PKIB: variants seen among roughly 807,000 people sequenced by gnomAD.
PKIB encodes PKI-beta.
A neutral mutation model predicts 4.5 loss-of-function variants in PKIB; 2 were observed. The ratio of observed to expected loss-of-function variants is 0.44; its 90% confidence interval spans 0.18 to 1.39. The LOEUF is 1.39. Ranked by LOEUF, PKIB falls within the 40% of genes most tolerant of loss-of-function variation. PKIB has a pLI of 0.27. For synonymous variants in PKIB, 38 were observed against 36.0 expected (o/e 1.06, Z -0.20); for missense variants, 94 against 92.6 (o/e 1.02, Z -0.06).
intron 1 of PKIB, among the ~76,000 whole-genome samples, chr6:122,615,140 C>T (rs1251671864): frequency 6.6e-6 from 1 of 151,954 alleles, no homozygotes; most frequent in Non-Finnish European, 1.5e-5. Flanking sequence ...AGAAGGGTGT[C>T]TATGATAATT....
upstream of PKIB, among the ~76,000 whole-genome samples, chr6:122,606,443 G>A (rs774494571): frequency 2.0e-5 from 3 of 151,974 alleles, no homozygotes; most frequent in Non-Finnish European, 4.4e-5. Context: ...GTGGTGGCAT[G>A]TGCCTGTAAT....
At chr6:122,690,932 A>ATATAT (rs1278838118) in intron 3 of PKIB, among the ~76,000 whole-genome samples, 13 of 138,784 alleles carry the variant, frequency 9.4e-5, no homozygotes, top group African/African-American at 2.7e-4. Flanking sequence ...ATATATATAT[A>ATATAT]TTTTTTTTTT....
At chr6:122,506,694 ATTTTT>A (rs35341464) in intron 2 of PKIB, among the ~76,000 whole-genome samples, 1 of 116,566 alleles carries the variant, frequency 8.6e-6, no homozygotes, top group African/African-American at 3.2e-5. Flanking sequence ...TGGAGATGTA[ATTTTT>A]TTTTTTTTTT....
intron 2 of PKIB, among the ~76,000 whole-genome samples, chr6:122,568,877 G>A (rs1035895076): frequency 3.3e-5 from 5 of 152,150 alleles, no homozygotes; most frequent in African/African-American, 1.2e-4. Context: ...ATGGCCTCGG[G>A]CAGGTCTGAG....
intron 2 of PKIB, among the ~76,000 whole-genome samples, chr6:122,636,788 C>T (rs1420712361): frequency 6.6e-6 from 1 of 152,030 alleles, no homozygotes; most frequent in Non-Finnish European, 1.5e-5. Flanking sequence ...TTGAAACTTG[C>T]TATTTCCCAG....
At chr6:122,724,123 G>C (rs989272424) in intron 4 of PKIB, among the ~76,000 whole-genome samples, 2 of 152,182 alleles carry the variant, frequency 1.3e-5, no homozygotes, top group Admixed American at 1.3e-4. Context: ...GACAACAAAA[G>C]AGGGATACCT....
At position 122,708,453 on chromosome 6, in the gene PKIB, C is replaced by T. The variant is rs181260564; in HGVS notation, c.-8-9334C>T. 2.2e-4 allele frequency among the ~76,000 whole-genome samples: 33 copies of T among 152,166 alleles called. No homozygotes were observed. The East Asian group carries it at 6.2e-3, about 29-fold the overall frequency. ...TTTCTGAAAGTATGTGAAAATTTCA[C>T]CTTTAGGGAGAAATCTTCCTATGGG... On this transcript the variant is annotated intron_variant, in intron 3 of 4. Transcript: ENST00000368452.
At chr6:122,561,108 C>G (rs1017408680) in intron 2 of PKIB, among the ~76,000 whole-genome samples, 2 of 151,776 alleles carry the variant, frequency 1.3e-5, no homozygotes, top group Non-Finnish European at 2.9e-5. Context: ...TCTTGTTTCT[C>G]TAGTTCCTTG....
chr6:122,580,441 T>A (rs1773669790), intron 2 of PKIB, among the ~76,000 whole-genome samples: 1 of 152,202 alleles, frequency 6.6e-6, no homozygotes, highest in Non-Finnish European at 1.5e-5. Flanking sequence ...TAGTATGTTA[T>A]TCATTAAGTG....
At chr6:122,721,802 C>CATATATAT (rs35364615) in intron 4 of PKIB, among the ~76,000 whole-genome samples, 1 of 148,962 alleles carries the variant, frequency 6.7e-6, no homozygotes, top group South Asian at 2.1e-4. Context: ...CATGTTACTA[C>CATATATAT]ATATATATAT....
intron 2 of PKIB, among the ~76,000 whole-genome samples, chr6:122,575,256 T>C (rs1445572847): frequency 4.6e-5 from 7 of 152,110 alleles, no homozygotes; most frequent in South Asian, 4.1e-4. Flanking sequence ...AAACAATAGA[T>C]GTTGGCATGG....
chr6:122,703,544 C>G (rs976796746), intron 3 of PKIB, among the ~76,000 whole-genome samples: 1 of 151,382 alleles, frequency 6.6e-6, no homozygotes, highest in Non-Finnish European at 1.5e-5. Flanking sequence ...ATACAATGAA[C>G]TAAACTTGAA....
intron 2 of PKIB, among the ~76,000 whole-genome samples, chr6:122,536,489 G>C (rs1261736658): frequency 6.6e-6 from 1 of 152,172 alleles, no homozygotes; most frequent in Non-Finnish European, 1.5e-5. Flanking sequence ...ATTGAAGGAT[G>C]CCAAGGAAAA....
chr6:122,551,946 C>A (rs926304337), intron 2 of PKIB, among the ~76,000 whole-genome samples: 11 of 147,848 alleles, frequency 7.4e-5, no homozygotes, highest in African/African-American at 2.8e-4. Context: ...CTCCAGTCCT[C>A]CGTTTTTAGT....
chr6:122,690,524 G>T (rs1013261846), intron 3 of PKIB, among the ~76,000 whole-genome samples: 2 of 151,950 alleles, frequency 1.3e-5, no homozygotes, highest in African/African-American at 4.8e-5. Context: ...CAAGCAAAAA[G>T]AAATCTAATA....
intron 3 of PKIB, among the ~76,000 whole-genome samples, chr6:122,696,079 G>A (rs1422249642): frequency 6.6e-6 from 1 of 152,130 alleles, no homozygotes; most frequent in Non-Finnish European, 1.5e-5. Flanking sequence ...GGTTCACTGA[G>A]GGATGATGCA....
intron 3 of PKIB, among the ~76,000 whole-genome samples, chr6:122,688,144 G>A (rs766352019): frequency 6.6e-6 from 1 of 151,988 alleles, no homozygotes; most frequent in African/African-American, 2.4e-5. Context: ...TCTGTTTTTC[G>A]AGGGTTTTTA....
rs78986904 is a variant in PKIB, at chr6:122,513,450, A to G, written c.-248+35511A>G. Among the ~76,000 whole-genome samples, 181 of 152,250 alleles carry G rather than the reference A, an allele frequency of 1.2e-3. 1 individual carries two copies. The highest frequency in any genetic ancestry group is 4.2e-3 in the African/African-American group (174 of 41,534). On this transcript the variant is annotated intron_variant, in intron 2 of 6. Transcript: ENST00000392491. ...AAATTGCTGGATAAAATATTTACATATATATATTTATATTCAATTTCAACT... is the reference window on the plus strand; with the variant it reads ...AAATTGCTGGATAAAATATTTACATGTATATATTTATATTCAATTTCAACT...
intron 2 of PKIB, among the ~76,000 whole-genome samples, chr6:122,564,597 C>T (rs570809319): frequency 1.8e-4 from 27 of 151,790 alleles, no homozygotes; most frequent in South Asian, 1.7e-3. Context: ...ATGAGAAAAG[C>T]GGGAAATTAA....
Sources: allele counts gnomAD v4.1 joint callset (sites outside exome capture counted in the v4.1 genomes callset), GRCh38; gene constraint gnomAD v4.1.1; transcripts MANE v1.5; gene names NCBI Gene and HGNC (gene_info 2026-07-23, HGNC 2026-07-21).